SHISA9: variants seen among roughly 807,000 people sequenced by gnomAD.
SHISA9 encodes the protein protein shisa-9.
Under a neutral mutation model 38.0 loss-of-function variants are expected in SHISA9, and 13 were observed. The ratio of observed to expected loss-of-function variants is 0.34; its 90% CI spans 0.22 to 0.54. The LOEUF is 0.54. Among genes scored for constraint, SHISA9 ranks in the 20% least tolerant of loss-of-function variants. The pLI, the probability that SHISA9 is intolerant of heterozygous loss-of-function variation, is 0.91. For missense variants in SHISA9, 538 were observed against 575.8 expected, an observed-to-expected ratio of 0.93 and a Z score of 0.67; for synonymous variants, 275 against 242.0, an observed-to-expected ratio of 1.14 and a Z score of -1.27.
rs1171523744 is a variant in SHISA9 at position 13,239,656 on chromosome 16, C to A, written c.*4247C>A. On this transcript the variant is annotated 3_prime_UTR_variant, in exon 5 of 5. Transcript: ENST00000558583. ...TCTTTTGAGAAGTGTCTGTTCATAT[C>A]CTTCGCCCACTTTTTGATGGGGTTG... 6.6e-6 allele frequency: 1 copy of A among 152,114 alleles called. No individual in the cohort carries two copies. The highest frequency in any genetic ancestry group is 2.4e-5 in the African/African-American group (1 of 41,414). The allele number at this position is 152,114 out of a possible 1,614,324, so 9.4% of individuals were successfully genotyped here.
At chr16:13,111,798 G>C (rs1257577147) in intron 2 of SHISA9, among the ~76,000 whole-genome samples, 1 of 152,140 alleles carries the variant, frequency 6.6e-6, no homozygotes, top group Non-Finnish European at 1.5e-5. Context: ...TAAATGTGTG[G>C]CAGAATTGTG....
At chr16:12,956,139 A>G (rs2071831360) in intron 2 of SHISA9, among the ~76,000 whole-genome samples, 2 of 152,232 alleles carry the variant, frequency 1.3e-5, no homozygotes, top group African/African-American at 2.4e-5. Flanking sequence ...GTAGCCAATA[A>G]GCACTAATCA....
the SHISA9 span, among the ~76,000 whole-genome samples, chr16:13,396,074 G>A: frequency 6.6e-6 from 1 of 152,168 alleles, no homozygotes; most frequent in Non-Finnish European, 1.5e-5. Flanking sequence ...TCAAGAGAGG[G>A]GGAAGATGTA....
chr16:13,464,668 A>G, the SHISA9 span, among the ~76,000 whole-genome samples: 1 of 152,154 alleles, frequency 6.6e-6, no homozygotes, highest in African/African-American at 2.4e-5. Context: ...GTTTACTACC[A>G]CTACTACCTT....
chr16:13,153,019 G>C (rs2050513040), intron 2 of SHISA9, among the ~76,000 whole-genome samples: 1 of 152,168 alleles, frequency 6.6e-6, no homozygotes, highest in African/African-American at 2.4e-5. Context: ...CTGAATATCT[G>C]AGTATGAGAG....
At chr16:12,917,819 G>T (rs186744787) in intron 2 of SHISA9, among the ~76,000 whole-genome samples, 174 of 152,274 alleles carry the variant, frequency 1.1e-3, no homozygotes, top group Non-Finnish European at 2.0e-3. Context: ...AGACTGGGTC[G>T]TCTTTGCTGA....
the SHISA9 span, among the ~76,000 whole-genome samples, chr16:13,290,266 A>T: frequency 3.9e-5 from 6 of 152,158 alleles, no homozygotes; most frequent in Non-Finnish European, 7.3e-5. Flanking sequence ...AGATAGCCAA[A>T]ATAGAGCTTC....
chr16:13,196,284 C>G (rs1400866229), intron 2 of SHISA9, among the ~76,000 whole-genome samples: 3 of 149,712 alleles, frequency 2.0e-5, no homozygotes, highest in Admixed American at 1.3e-4. Flanking sequence ...GTAGTTCCAG[C>G]TACTCGGGAG....
At chr16:13,420,102 C>T in the SHISA9 span, among the ~76,000 whole-genome samples, 13 of 151,768 alleles carry the variant, frequency 8.6e-5, no homozygotes, top group Admixed American at 5.9e-4. Flanking sequence ...AGAAATTAGC[C>T]AGGTGTGGTG....
Position 13,073,521 on chromosome 16 carries a change from A to G in SHISA9, c.692-129873A>G, listed in dbSNP as rs370341922. Reference sequence around the variant, plus strand: ...GAATTTGTTAGAAATGCAAATTCTCAGACCCCAGCTCAGACCTAGTGAGTC... The same window carrying G: ...GAATTTGTTAGAAATGCAAATTCTCGGACCCCAGCTCAGACCTAGTGAGTC... On this transcript the variant is annotated intron_variant, in intron 2 of 4. Transcript: ENST00000558583. Among the ~76,000 whole-genome samples the G allele has an allele frequency of 8.5e-5, 13 of 152,304 alleles. 2 individuals carry two copies. The highest frequency in any genetic ancestry group is 3.1e-4 in the African/African-American group (13 of 41,566).
intron 2 of SHISA9, among the ~76,000 whole-genome samples, chr16:13,095,546 G>C (rs2073816726): frequency 6.6e-6 from 1 of 152,238 alleles, no homozygotes; most frequent in Non-Finnish European, 1.5e-5. Context: ...TAGCTCCCAT[G>C]ACTCTTAGAA....
the SHISA9 span, among the ~76,000 whole-genome samples, chr16:13,479,386 A>T: frequency 6.6e-6 from 1 of 152,190 alleles, no homozygotes; most frequent in Admixed American, 6.5e-5. Flanking sequence ...TTCAGCCTAT[A>T]TCCCATACTG....
At chr16:13,229,372 A>G (rs1016809667) in intron 4 of SHISA9, among the ~76,000 whole-genome samples, 4 of 152,196 alleles carry the variant, frequency 2.6e-5, no homozygotes, top group African/African-American at 9.6e-5. Flanking sequence ...CGGACTTTCT[A>G]GAAGGGAGAG....
rs200792522 is a variant in SHISA9 at position 13,073,805 on chromosome 16, A to T, written c.692-129589A>T. On this transcript the variant is annotated intron_variant, in intron 2 of 4. Coordinates refer to ENST00000558583, the MANE Select transcript of SHISA9 (RefSeq NM_001145204.3). ...ATGGGAACGAGGCGGATACAAGCCA[A>T]GGAACGCCAAAGATAGCTGGTAACA... Among the ~76,000 whole-genome samples the T allele has an allele frequency of 1.4e-4, 22 of 152,272 alleles. No individual in the cohort carries two copies. The East Asian group carries it at 4.3e-3, about 29-fold the overall frequency.
At chr16:13,431,633 A>C in the SHISA9 span, among the ~76,000 whole-genome samples, 113 of 152,262 alleles carry the variant, frequency 7.4e-4, no homozygotes, top group East Asian at 0.02. Context: ...TTTCTCATTG[A>C]TGGATTAATC....
chr16:13,108,154 A>T (rs1230892), intron 2 of SHISA9, among the ~76,000 whole-genome samples: 31,282 of 149,668 alleles, frequency 0.21, 3,490 homozygotes, highest in Non-Finnish European at 0.25. Context: ...TTTTTGAGAC[A>T]GTCTTGCTTT....
chr16:13,527,718 G>A, the SHISA9 span, among the ~76,000 whole-genome samples: 152 of 152,276 alleles, frequency 1.0e-3, no homozygotes, highest in Non-Finnish European at 2.0e-3. Flanking sequence ...CTGCTCTTGG[G>A]CTCGGTGAGA....
intron 2 of SHISA9, among the ~76,000 whole-genome samples, chr16:12,922,443 C>T (rs1158317618): frequency 6.6e-6 from 1 of 152,218 alleles, no homozygotes; most frequent in African/African-American, 2.4e-5. Context: ...ACCTCATACC[C>T]CAGTGGCTAT....
intron 2 of SHISA9, among the ~76,000 whole-genome samples, chr16:13,191,462 A>G (rs1484267206): frequency 6.6e-6 from 1 of 152,228 alleles, no homozygotes; most frequent in Non-Finnish European, 1.5e-5. Flanking sequence ...AGCTTTAGCT[A>G]CCATATGTTG....
Sources: allele counts gnomAD v4.1 joint callset (sites outside exome capture counted in the v4.1 genomes callset), GRCh38; gene constraint gnomAD v4.1.1; transcripts MANE v1.5; gene names NCBI Gene and HGNC (gene_info 2026-07-23, HGNC 2026-07-21).